Variants in ANKDD1B observed in about 807,000 individuals in gnomAD.
The protein encoded by ANKDD1B is ankyrin repeat and death domain-containing protein 1B.
ANKDD1B carries 57 observed loss-of-function variants against 59.7 expected under a neutral mutation model. The ratio of observed to expected loss-of-function variants is 0.95; its 90% CI spans 0.77 to 1.19. The LOEUF is 1.19. Among genes scored for constraint, ANKDD1B ranks in the 50% most tolerant of loss-of-function variants. ANKDD1B has a pLI of 0.00. For missense variants in ANKDD1B, 602 were observed against 641.9 expected (o/e 0.94, Z 0.67); for synonymous variants, 216 against 239.5 (o/e 0.90, Z 0.91).
At chr5:75,668,392 A>G (rs1012691727) in intron 12 of ANKDD1B, among the ~76,000 whole-genome samples, 5 of 152,082 alleles carry the variant, frequency 3.3e-5, no homozygotes, top group Non-Finnish European at 5.9e-5. Flanking sequence ...CAGACTCATG[A>G]TGGTATTTAA....
intron 8 of ANKDD1B, among the ~76,000 whole-genome samples, chr5:75,654,094 T>A (rs929047278): frequency 2.0e-5 from 3 of 152,236 alleles, no homozygotes; most frequent in Non-Finnish European, 4.4e-5. Context: ...TTCATGCTGC[T>A]CCCATAGCCC....
intron 10 of ANKDD1B, 57 bp downstream of exon 10, chr5:75,659,438 G>T: frequency 8.2e-7 from 1 of 1,224,006 alleles, no homozygotes; most frequent in Non-Finnish European, 1.2e-6. Flanking sequence ...CCTTCCTGTT[G>T]GATGTCAGCC....
chr5:75,644,114 G>T, intron 7 of ANKDD1B, among the ~76,000 whole-genome samples: 1 of 107,146 alleles, frequency 9.3e-6, no homozygotes. Context: ...ACATGGAAAG[G>T]AACAACTGGT....
At chr5:75,640,049 T>C (rs1293284216) in intron 7 of ANKDD1B, among the ~76,000 whole-genome samples, 10 of 152,136 alleles carry the variant, frequency 6.6e-5, no homozygotes, top group Admixed American at 5.2e-4. Context: ...ATCTTTCTTT[T>C]TTTTTTTGTT....
At chr5:75,636,355 A>G (rs1774303684) in intron 7 of ANKDD1B, among the ~76,000 whole-genome samples, 2 of 152,188 alleles carry the variant, frequency 1.3e-5, no homozygotes, top group African/African-American at 4.8e-5. Flanking sequence ...AAAGTATTTC[A>G]GAGGGAAAAG....
intron 7 of ANKDD1B, among the ~76,000 whole-genome samples, chr5:75,637,432 T>C (rs575391373): frequency 1.0e-3 from 154 of 152,064 alleles, no homozygotes; most frequent in Non-Finnish European, 1.6e-3. Flanking sequence ...TGGGGTCCTC[T>C]TGGATTTCAC....
chr5:75,627,626 A>G (rs1774028156), intron 5 of ANKDD1B, among the ~76,000 whole-genome samples: 2 of 152,228 alleles, frequency 1.3e-5, no homozygotes, highest in South Asian at 4.1e-4. Context: ...GAATCTTCCT[A>G]ATTTTATCCA....
At chr5:75,626,084 C>T in intron 5 of ANKDD1B, 129 bp downstream of exon 5, 1 of 650,444 alleles carries the variant, frequency 1.5e-6, no homozygotes. Context: ...TCCTCCATCA[C>T]CATGGCAGAC....
chr5:75,653,752 C>G (rs1774890033), intron 8 of ANKDD1B, among the ~76,000 whole-genome samples: 2 of 152,226 alleles, frequency 1.3e-5, no homozygotes, highest in African/African-American at 4.8e-5. Context: ...TTTTTCCACT[C>G]TATTTTCATT....
In ANKDD1B at chr5:75,670,987, C is replaced by G; in HGVS notation, c.1534C>G (p.Arg512Gly). The G allele has an allele frequency of 8.2e-7, 1 of 1,225,184 alleles. No individual in the cohort carries two copies. Among genetic ancestry groups the G allele is most frequent in the Non-Finnish European group, 1.0e-6 (1 of 981,782 alleles). The allele number at this position is 1,225,184 out of a possible 1,614,324, so 75.9% of individuals were successfully genotyped here. ...AGFPKLAEKT[R>G]HFKSKTDSNS... The stretch of plus-strand genomic sequence containing the variant: ...TATCTTATTTTTTCCAGAAAAGACT[C>G]GTCATTTCAAAAGCAAAACTGACTC... Residue 512 changes from arginine to glycine, a missense_variant, in exon 14 of 14, where the codon CGT becomes GGT. Transcript: ENST00000601380.
At chr5:75,651,706 C>T (rs1774836256) in intron 7 of ANKDD1B, among the ~76,000 whole-genome samples, 1 of 152,238 alleles carries the variant, frequency 6.6e-6, no homozygotes, top group Admixed American at 6.5e-5. Context: ...CCACTTCCTA[C>T]TTCCTGGGAG....
In ANKDD1B at chr5:75,623,998, A is replaced by C. The variant is rs138698719; in HGVS notation, c.397-1649A>C. 1.1e-3 allele frequency among the ~76,000 whole-genome samples: 167 copies of C among 152,310 alleles called. 1 individual carries two copies. The East Asian group carries it at 0.028, about 25-fold the overall frequency. The stretch of plus-strand genomic sequence containing the variant: ...AAGGCTTATGTACTTTACAAATAGA[A>C]GTGTACTGCAGGCCCTCATTCCTTA... On this transcript the variant is annotated intron_variant, in intron 3 of 13. Coordinates refer to ENST00000601380, the MANE Select transcript of ANKDD1B (RefSeq NM_001276713.2).
intron 5 of ANKDD1B, among the ~76,000 whole-genome samples, chr5:75,629,831 G>A (rs995985464): frequency 6.6e-6 from 1 of 152,090 alleles, no homozygotes; most frequent in Non-Finnish European, 1.5e-5. Flanking sequence ...CCAGCTACTC[G>A]GGAGGCTGAG....
intron 13 of ANKDD1B, among the ~76,000 whole-genome samples, chr5:75,670,596 G>C (rs1775450779): frequency 6.6e-6 from 1 of 152,208 alleles, no homozygotes; most frequent in Non-Finnish European, 1.5e-5. Context: ...GCGTATTTAT[G>C]TAAAATTGAA....
At chr5:75,613,947 G>A (rs969065491) in intron 1 of ANKDD1B, among the ~76,000 whole-genome samples, 2 of 152,184 alleles carry the variant, frequency 1.3e-5, no homozygotes, top group African/African-American at 4.8e-5. Context: ...ACCACGTAAC[G>A]AGACCCTGTC....
In ANKDD1B at chr5:75,616,802, A is replaced by G. The variant is rs1216452210; in HGVS notation, c.194-2A>G. On this transcript the variant is annotated splice_acceptor_variant, in intron 1 of 13. Coordinates refer to ENST00000601380, the MANE Select transcript of ANKDD1B (RefSeq NM_001276713.2). LOFTEE classifies it high-confidence loss of function. ...AGTCATGCTTGCTTTGCTTTCTTTC[A>G]GTACTCCCAAATGAGAGAAGCTTTC... 6.8e-7 allele frequency: 1 copy of G among 1,466,986 alleles called. No individual in the cohort carries two copies. The highest frequency in any genetic ancestry group is 2.5e-5 in the East Asian group (1 of 40,574). 90.9% of individuals were successfully genotyped at this position (1,466,986 alleles called of 1,614,324 possible). A position where few individuals can be genotyped will look rare whatever the true frequency, so the allele number is the denominator to read the frequency against.
intron 5 of ANKDD1B, among the ~76,000 whole-genome samples, chr5:75,627,870 C>T (rs549316421): frequency 1.3e-5 from 2 of 152,334 alleles, no homozygotes; most frequent in African/African-American, 4.8e-5. Flanking sequence ...TGGCCAGCAG[C>T]CTTCCTGTCC....
In ANKDD1B at chr5:75,620,362, T is replaced by G; in HGVS notation, c.345T>G (p.Ser115=). 1.3e-6 allele frequency: 2 copies of G among 1,535,558 alleles called. No homozygotes were observed. Among genetic ancestry groups the G allele is most frequent in the South Asian group, 2.4e-5 (2 of 84,024 alleles). The change falls in exon 3 of 14, where the codon TCT becomes TCG. Residue 115 remains serine (S), a synonymous_variant. Transcript: ENST00000601380. ...TTGCAGTGGGGAGAAATCATTTATC[T>G]GCAGTGGATTTCTTGCTTAAACACA... The part of the protein sequence containing the change: ...LHFAVGRNHL[S]AVDFLLKHKA...
chr5:75,648,527 C>G (rs988350729), intron 7 of ANKDD1B, among the ~76,000 whole-genome samples: 1 of 152,226 alleles, frequency 6.6e-6, no homozygotes, highest in Non-Finnish European at 1.5e-5. Flanking sequence ...TGCACACGTT[C>G]TCCCCATCCG....
Sources: gnomAD v4.1 joint callset for allele counts (sites outside exome capture counted in the v4.1 genomes callset) on GRCh38, gnomAD v4.1.1 for gene constraint, MANE v1.5 for transcripts, NCBI Gene and HGNC (gene_info 2026-07-23, HGNC 2026-07-21) for gene names.